The following UBQLN4 variants were observed in gnomAD, a reference collection of about 807,000 sequenced individuals.
The protein encoded by UBQLN4 is ubiquilin-4.
Under a neutral mutation model 60.4 loss-of-function variants are expected in UBQLN4, and 11 were observed. That is an observed-to-expected ratio of 0.18 (90% CI 0.11 to 0.30). The LOEUF is 0.30. UBQLN4 is among the 10% of genes least tolerant of loss of function. The pLI is 1.00. For synonymous variants in UBQLN4, 258 were observed against 313.1 expected, an observed-to-expected ratio of 0.82 and a Z score of 1.86; for missense variants, 417 against 795.5, an observed-to-expected ratio of 0.52 and a Z score of 5.72.
chr1:156,042,403 G>A (rs1049875327), intron 7 of UBQLN4, 167 bp from the exon 8 acceptor site: 26 of 1,422,964 alleles, frequency 1.8e-5, no homozygotes, highest in Non-Finnish European at 2.4e-5. Flanking sequence ...AGAGGAAATG[G>A]AACTATGCTC....
chr1:156,039,936 C>CAAAAAAAAAAAAAAAAAA (rs34790727), intron 10 of UBQLN4, among the ~76,000 whole-genome samples: 1 of 72,008 alleles, frequency 1.4e-5, no homozygotes. Flanking sequence ...GACTCCGTCT[C>CAAAAAAAAAAAAAAAAAA]AAAAAAAAAA....
In UBQLN4 at chr1:156,042,567, A is replaced by T. The variant is rs561220664; in HGVS notation, c.1266+207T>A. The T allele has an allele frequency of 3.8e-6, 4 of 1,050,562 alleles. No individual in the cohort carries two copies. The Admixed American group carries it at 8.8e-5, about 23-fold the overall frequency. The allele number at this position is 1,050,562 out of a possible 1,614,324, so 65.1% of individuals were successfully genotyped here. A position where few individuals can be genotyped will look rare whatever the true frequency, so the allele number is the denominator to read the frequency against. ...TAACTCATTTAATCCTCACAACTATAGGAGGTAGGAACTATTGTTATTATC... is the reference window on the plus strand; with the variant it reads ...TAACTCATTTAATCCTCACAACTATTGGAGGTAGGAACTATTGTTATTATC... On this transcript the variant is annotated intron_variant, in intron 7 of 10. Transcript: ENST00000368309.
At position 156,050,408 on chromosome 1, in the gene UBQLN4, C is replaced by T; in HGVS notation, c.624G>A (p.Met208Ile). Reference protein sequence around the residue: ...QIMENPLVQDMMSNPDLMRHM... With the variant: ...QIMENPLVQDIMSNPDLMRHM... ...GACGCATCAGATCAGGGTTAGACAT[C>T]ATATCCTGGACCAGGGGGTTCTCCA... Residue 208 changes from methionine (M) to isoleucine (I), a missense_variant, in exon 4 of 11, where the codon ATG becomes ATA. Met to Ile is a conservative substitution (Grantham distance 10). Transcript: ENST00000368309. The surrounding 1 kb of genome is among the most constrained non-coding windows in gnomAD (Gnocchi z 4.6). The T allele has an allele frequency of 6.2e-7, 1 of 1,614,128 alleles. No individual in the cohort carries two copies.
intron 10 of UBQLN4, among the ~76,000 whole-genome samples, chr1:156,040,673 C>T (rs1450230714): frequency 6.6e-6 from 1 of 151,692 alleles, no homozygotes; most frequent in East Asian, 2.0e-4. Context: ...AGGATGGTCT[C>T]GATCTTCTGA....
chr1:156,049,731 C>T (rs1392611556), intron 4 of UBQLN4, among the ~76,000 whole-genome samples: 1 of 152,230 alleles, frequency 6.6e-6, no homozygotes, highest in African/African-American at 2.4e-5. Context: ...GTGTCCACAG[C>T]CCTGCTGGGA....
chr1:156,044,121 G>C lies in UBQLN4; in HGVS notation c.1003C>G (p.Pro335Ala). 6.3e-7 allele frequency: 1 copy of C among 1,586,134 alleles called. No individual in the cohort carries two copies. Among genetic ancestry groups the C allele is most frequent in the Non-Finnish European group, 8.6e-7 (1 of 1,166,584 alleles). Residue 335 changes from proline (P) to alanine (A), a missense_variant, in exon 6 of 11, where the codon CCC (proline) becomes GCC (alanine). Physicochemically the swap from Pro to Ala is conservative, Grantham distance 27. Transcript: ENST00000368309. The part of the protein sequence containing the change: ...NREPLPNPWS[P>A]SPPTSQAPGS... Reference sequence around the variant, plus strand: ...GGGGCCTGGGAGGTGGGGGGCGAGGGGCTCCAGGGGTTAGGGAGGGGCTCT... The same window carrying C: ...GGGGCCTGGGAGGTGGGGGGCGAGGCGCTCCAGGGGTTAGGGAGGGGCTCT...
At position 156,053,645 on chromosome 1, in the gene UBQLN4, G is replaced by A; in HGVS notation, c.57C>T (p.Thr19=). Residue 19 remains threonine (T), a synonymous_variant, in exon 1 of 11, where the codon ACC becomes ACT. Transcript: ENST00000368309. ...TRPPIRVTVK[T]PKDKEEIVIC... The stretch of plus-strand genomic sequence containing the variant: ...TCACAATTTCCTCCTTGTCCTTGGG[G>A]GTCTTGACGGTGACCCGAATGGGGG... The A allele has an allele frequency of 2.2e-6, 3 of 1,384,618 alleles. No homozygotes were observed. The highest frequency in any genetic ancestry group is 2.8e-6 in the Non-Finnish European group (3 of 1,058,732). The allele number at this position is 1,384,618 out of a possible 1,614,324, so 85.8% of individuals were successfully genotyped here.
intron 7 of UBQLN4, 153 bp downstream of exon 7, chr1:156,042,621 A>G (rs1329341202): frequency 2.4e-6 from 3 of 1,235,966 alleles, no homozygotes; most frequent in Non-Finnish European, 3.3e-6. Flanking sequence ...CTGGGAGGCT[A>G]AATAACTTGC....
intron 10 of UBQLN4, among the ~76,000 whole-genome samples, chr1:156,039,164 G>A (rs532063490): frequency 1.6e-4 from 24 of 150,418 alleles, no homozygotes; most frequent in South Asian, 8.5e-4. Context: ...GGCTGGTCTC[G>A]AACTCCTGGC....
In UBQLN4 at chr1:156,041,438, A is replaced by G. The variant is rs371802226; in HGVS notation, c.1653+47T>C. On this transcript the variant is annotated intron_variant, in intron 10 of 10. Transcript: ENST00000368309. ...TCTATTGCTTCCCTTGAAACCTCCC[A>G]GGATCAAAGTGGTGCTCCCAGCACC... 2.2e-5 allele frequency: 32 copies of G among 1,472,930 alleles called. No homozygotes were observed. In the East Asian group the frequency reaches 4.5e-4, roughly 21 times the overall value. 91.2% of individuals were successfully genotyped at this position (1,472,930 alleles called of 1,614,324 possible). A position where few individuals can be genotyped will look rare whatever the true frequency, so the allele number is the denominator to read the frequency against.
downstream of UBQLN4, among the ~76,000 whole-genome samples, chr1:156,033,726 C>G (rs1683333983): frequency 6.6e-6 from 1 of 151,994 alleles, no homozygotes; most frequent in African/African-American, 2.4e-5. Flanking sequence ...CACCTGCAAT[C>G]CCAGCTACTC....
At chr1:156,045,330 G>A (rs1305394808) in intron 5 of UBQLN4, among the ~76,000 whole-genome samples, 1 of 152,172 alleles carries the variant, frequency 6.6e-6, no homozygotes, top group Non-Finnish European at 1.5e-5. Flanking sequence ...ATGCACCATG[G>A]TTTCAGCCTC....
rs1683788460 is a variant in UBQLN4, at chr1:156,048,918, T to C, written c.742-259A>G. On this transcript the variant is annotated intron_variant, in intron 4 of 10. Coordinates refer to ENST00000368309, the MANE Select transcript of UBQLN4 (RefSeq NM_020131.5). The surrounding 1 kb of genome is among the most constrained non-coding windows in gnomAD (Gnocchi z 4.9). The stretch of plus-strand genomic sequence containing the variant: ...TCCCAGCTGAAGTGAGGGCAGCAGC[T>C]TCCCTCCCTTAGGCTCAGAGTGTCC... Among the ~76,000 whole-genome samples, 1 of 152,164 alleles carries C rather than the reference T, an allele frequency of 6.6e-6. No individual in the cohort carries two copies. The highest frequency in any genetic ancestry group is 1.5e-5 in the Non-Finnish European group (1 of 68,024).
chr1:156,039,145 C>T (rs962965263), intron 10 of UBQLN4, among the ~76,000 whole-genome samples: 7 of 149,486 alleles, frequency 4.7e-5, no homozygotes, highest in African/African-American at 1.7e-4. Flanking sequence ...GGTCTCCCCG[C>T]GTTGCCCAGG....
Position 156,042,052 on chromosome 1 carries a change from G to T in UBQLN4, c.1351-65C>A, listed in dbSNP as rs1301206511. On this transcript the variant is annotated intron_variant, in intron 8 of 10. Transcript: ENST00000368309. Reference sequence around the variant, plus strand: ...AGGAAAGAGGAGACAACCTCAACTAGGAGTCCAGAGTCAAGCTCTGCCCCA... The same window carrying T: ...AGGAAAGAGGAGACAACCTCAACTATGAGTCCAGAGTCAAGCTCTGCCCCA... 1.9e-6 allele frequency: 3 copies of T among 1,611,844 alleles called. No individual in the cohort carries two copies. The East Asian group carries it at 6.7e-5, about 36-fold the overall frequency.
Position 156,036,801 on chromosome 1 carries a change from C to T in UBQLN4, c.*177G>A, listed in dbSNP as rs1469706509. The T allele has an allele frequency of 1.7e-5, 25 of 1,478,216 alleles. No homozygotes were observed. The highest frequency in any genetic ancestry group is 2.6e-4 in the Middle Eastern group (1 of 3,872). The allele number at this position is 1,478,216 out of a possible 1,614,324, so 91.6% of individuals were successfully genotyped here. A position where few individuals can be genotyped will look rare whatever the true frequency, so the allele number is the denominator to read the frequency against. On this transcript the variant is annotated 3_prime_UTR_variant, in exon 11 of 11. Transcript: ENST00000368309. The stretch of plus-strand genomic sequence containing the variant: ...GTCTGTTAGAGACGTAGCAGTAAAA[C>T]CATAATTCTCAGACAGAGCTAAGGG...
intron 10 of UBQLN4, among the ~76,000 whole-genome samples, chr1:156,039,936 CAAAAAAA>C (rs34790727): frequency 2.8e-5 from 2 of 72,006 alleles, no homozygotes; most frequent in Non-Finnish European, 5.0e-5. Flanking sequence ...GACTCCGTCT[CAAAAAAA>C]AAAAAAAAAA....
intron 4 of UBQLN4, among the ~76,000 whole-genome samples, chr1:156,049,350 G>A (rs1040480073): frequency 6.6e-6 from 1 of 152,192 alleles, no homozygotes; most frequent in Non-Finnish European, 1.5e-5. Context: ...TCTTTGCTCT[G>A]CCTGAACCTT....
intron 10 of UBQLN4, among the ~76,000 whole-genome samples, chr1:156,041,175 AAAT>A (rs928417107): frequency 2.0e-5 from 3 of 152,278 alleles, no homozygotes; most frequent in African/African-American, 2.4e-5. Context: ...TTTAACACAG[AAAT>A]AATAATAATA....
Sources: allele counts gnomAD v4.1 joint callset (sites outside exome capture counted in the v4.1 genomes callset), GRCh38; gene constraint gnomAD v4.1.1; non-coding constraint Gnocchi (gnomAD v3.1); transcripts MANE v1.5; gene names NCBI Gene and HGNC (gene_info 2026-07-23, HGNC 2026-07-21).